The following MYH14 variants were observed in gnomAD, a reference collection of about 807,000 sequenced individuals.
The protein encoded by MYH14 is myosin-14.
MYH14 carries 123 observed loss-of-function variants against 255.5 expected under a neutral mutation model. The ratio of observed to expected loss-of-function variants is 0.48; its 90% CI spans 0.42 to 0.56. The LOEUF is 0.56. Ranked by LOEUF, MYH14 falls within the 20% of genes least tolerant of loss-of-function variation. MYH14 has a pLI of 0.00. For missense variants in MYH14, 2,423 were observed against 2,802.3 expected, an observed-to-expected ratio of 0.86 and a Z score of 3.06; for synonymous variants, 1,095 against 1,161.2, an observed-to-expected ratio of 0.94 and a Z score of 1.16.
At chr19:50,223,513 G>A (rs1600879947) in intron 5 of MYH14, 164 bp downstream of exon 5, 1 of 652,740 alleles carries the variant, frequency 1.5e-6, no homozygotes, top group East Asian at 2.7e-5. Context: ...TGGAAGCAGA[G>A]TCAGGGGGAC....
chr19:50,293,136 G>A lies in MYH14; in HGVS notation c.5257-97G>A, dbSNP rs1301267717. On this transcript the variant is annotated intron_variant, in intron 37 of 42. Coordinates refer to ENST00000642316, the MANE Select transcript of MYH14 (RefSeq NM_001145809.2). This position sits in a 1 kb window ranked among gnomAD's most constrained non-coding sequence, Gnocchi z 4.1. Reference sequence around the variant, plus strand: ...TACCCAGGGACAGCATGAGAAAAAAGCCAAGAGCCTTGAGGTGTGAGGGAC... The same window carrying A: ...TACCCAGGGACAGCATGAGAAAAAAACCAAGAGCCTTGAGGTGTGAGGGAC... The A allele has an allele frequency of 1.3e-5, 11 of 862,982 alleles. No individual in the cohort carries two copies. The Admixed American group carries it at 1.8e-4, about 14-fold the overall frequency. 53.5% of individuals were successfully genotyped at this position (862,982 alleles called of 1,614,324 possible).
intron 24 of MYH14, 120 bp downstream of exon 24, chr19:50,268,487 G>A (rs1032435207): frequency 1.8e-6 from 2 of 1,124,544 alleles, no homozygotes; most frequent in African/African-American, 3.1e-5. Context: ...TCAGTTCTAA[G>A]TGAATTTGCA....
rs2036057330 is a variant in MYH14, at chr19:50,291,020, A to C, written c.5099A>C (p.Glu1700Ala). 1.9e-6 allele frequency: 3 copies of C among 1,612,888 alleles called. No homozygotes were observed. Among genetic ancestry groups the C allele is most frequent in the Non-Finnish European group, 2.5e-6 (3 of 1,179,644 alleles). Residue 1700 changes from glutamate to alanine, a missense_variant, in exon 36 of 43, where the codon GAG (glutamate) becomes GCG (alanine). Glu to Ala is a moderately radical substitution (Grantham distance 107, BLOSUM62 -1). This residue lies in a region of MYH14 where 1,513 missense variants were observed against 1,674.8 expected (regional missense o/e 0.90). Coordinates refer to ENST00000642316, the MANE Select transcript of MYH14 (RefSeq NM_001145809.2). ...QMASAGQGKE[E>A]AVKQLRKMQA... ...GCCTCTGCCGGCCAGGGCAAGGAGG[A>C]GGCGGTGAAGCAGCTTCGCAAGATG...
At chr19:50,210,159 T>C (rs1235429502) in intron 1 of MYH14, among the ~76,000 whole-genome samples, 4 of 137,860 alleles carry the variant, frequency 2.9e-5, no homozygotes, top group Admixed American at 7.4e-5. Context: ...GTTCACAGCC[T>C]AGCTTATTAA....
chr19:50,259,517 AG>A (rs1312371919), intron 19 of MYH14, among the ~76,000 whole-genome samples: 1 of 152,232 alleles, frequency 6.6e-6, no homozygotes, highest in Non-Finnish European at 1.5e-5. Flanking sequence ...GCTGCTGTTT[AG>A]GGCAGTAGGC....
chr19:50,257,940 A>C (rs943492925), intron 18 of MYH14, among the ~76,000 whole-genome samples: 3 of 152,162 alleles, frequency 2.0e-5, no homozygotes, highest in Admixed American at 2.0e-4. Context: ...AAGAGTTTGT[A>C]CAAAGGCCCA....
In MYH14 at chr19:50,217,740, G is replaced by A; in HGVS notation, c.531G>A (p.Val177=). The A allele has an allele frequency of 6.2e-7, 1 of 1,613,898 alleles. No individual in the cohort carries two copies. Among genetic ancestry groups the A allele is most frequent in the South Asian group, 1.1e-5 (1 of 91,078 alleles). Residue 177 remains valine (V), a synonymous_variant, in exon 3 of 43, where the codon GTG becomes GTA. Transcript: ENST00000642316. ...RHEVPPHVYA[V]TEGAYRSMLQ... ...AGGTGCCACCCCACGTGTACGCAGTGACCGAGGGGGCCTATCGGAGCATGC... is the reference window on the plus strand; with the variant it reads ...AGGTGCCACCCCACGTGTACGCAGTAACCGAGGGGGCCTATCGGAGCATGC...
chr19:50,269,614 G>T (rs2035221054), intron 24 of MYH14, among the ~76,000 whole-genome samples: 1 of 152,224 alleles, frequency 6.6e-6, no homozygotes, highest in Non-Finnish European at 1.5e-5. Flanking sequence ...ACCACAGACG[G>T]CCACATGGAT....
At chr19:50,268,448 T>C in intron 24 of MYH14, 81 bp downstream of exon 24, 2 of 1,413,724 alleles carry the variant, frequency 1.4e-6, no homozygotes, top group Non-Finnish European at 1.9e-6. Flanking sequence ...ACAAACCGTG[T>C]GTCTTTGGGC....
At position 50,289,571 on chromosome 19, in the gene MYH14, C is replaced by T. The variant is rs1271303266; in HGVS notation, c.4888C>T (p.Leu1630Phe). 2 of 1,612,930 alleles carry T rather than the reference C, an allele frequency of 1.2e-6. No individual in the cohort carries two copies. Among genetic ancestry groups the T allele is most frequent in the Non-Finnish European group, 1.7e-6 (2 of 1,179,640 alleles). The change falls in exon 35 of 43, where the codon CTC becomes TTC. Residue 1630 changes from leucine to phenylalanine, a missense_variant. By Grantham distance (22) the Leu-to-Phe change is conservative. Coordinates refer to ENST00000642316, the MANE Select transcript of MYH14 (RefSeq NM_001145809.2). ...GCGTCTGGAGGTGACTGTGCAGGCT[C>T]TCAAGACTCAGCATGAGCGTGACCT... ...KLRLEVTVQA[L>F]KTQHERDLQG... is the part of the protein sequence containing the mutation.
rs757730494 is a variant in MYH14, at chr19:50,280,199, A to G, written c.4138-32A>G. ...CCCTCCCCTCCTTGTCCTCCCAGCC[A>G]CACCTGACATTGCCGTCTCCTCCAT... On this transcript the variant is annotated intron_variant, in intron 31 of 42. Transcript: ENST00000642316. The surrounding 1 kb of genome is among the most constrained non-coding windows in gnomAD (Gnocchi z 4.8). 6.4e-6 allele frequency: 10 copies of G among 1,555,716 alleles called. No homozygotes were observed. The highest frequency in any genetic ancestry group is 4.7e-5 in the South Asian group (4 of 84,254).
In MYH14 at chr19:50,218,298, T is replaced by A. The variant is rs919807441; in HGVS notation, c.562+527T>A. Among the ~76,000 whole-genome samples the A allele has an allele frequency of 5.3e-5, 8 of 152,162 alleles. No individual in the cohort carries two copies. The South Asian group carries it at 1.7e-3, about 32-fold the overall frequency. ...CCTGGCCTCTTTTTAAATTTTTAAA[T>A]AAATTAATTTATTTTTGGCCAGGCG... On this transcript the variant is annotated intron_variant, in intron 3 of 42. Coordinates refer to ENST00000642316, the MANE Select transcript of MYH14 (RefSeq NM_001145809.2).
chr19:50,277,933 AT>A, intron 29 of MYH14, 149 bp from the exon 30 acceptor site: 4 of 502,770 alleles, frequency 8.0e-6, no homozygotes, highest in Admixed American at 4.0e-5. Flanking sequence ...AAAAAAAAAA[AT>A]TGGGAGTGAG....
At chr19:50,240,685 C>T (rs936229508) in intron 10 of MYH14, among the ~76,000 whole-genome samples, 1 of 151,974 alleles carries the variant, frequency 6.6e-6, no homozygotes, top group African/African-American at 2.4e-5. Context: ...GCCTGTAATC[C>T]CAACACTTTG....
intron 40 of MYH14, among the ~76,000 whole-genome samples, chr19:50,302,185 G>C (rs34283967): frequency 1.3e-5 from 2 of 150,170 alleles, no homozygotes; most frequent in Non-Finnish European, 1.5e-5. Context: ...TCAAGAGCCT[G>C]AGATAAGAAG....
Position 50,309,774 on chromosome 19 carries a change from C to CCCCCCCCCCCCCCGG in MYH14, c.6095_6096insCCCCCCCCCCCCCGG (p.Pro2032_Ala2033insProProProProGly). 1 of 1,542,740 alleles carries CCCCCCCCCCCCCCGG rather than the reference C, an allele frequency of 6.5e-7. No homozygotes were observed. Among genetic ancestry groups the CCCCCCCCCCCCCCGG allele is most frequent in the Non-Finnish European group, 8.8e-7 (1 of 1,131,178 alleles). On this transcript the variant is annotated inframe_insertion, in exon 43 of 43. Transcript: ENST00000642316. ...TCCCCGGAGCCTGAGGGGTCCCCAC[C>CCCCCCCCCCCCCCGG]AGCCCACCCCCAGTGACCCTACCCT... is the stretch of plus-strand genomic sequence containing the variant.
At chr19:50,273,117 C>T (rs1434674340) in intron 27 of MYH14, among the ~76,000 whole-genome samples, 3 of 151,874 alleles carry the variant, frequency 2.0e-5, no homozygotes, top group Admixed American at 6.6e-5. Context: ...ATGGCAAAAC[C>T]CTGTCTCTAC....
intron 10 of MYH14, among the ~76,000 whole-genome samples, chr19:50,236,211 T>A (rs1398790844): frequency 6.6e-6 from 1 of 151,986 alleles, no homozygotes; most frequent in Non-Finnish European, 1.5e-5. Flanking sequence ...TGTGCGCCTT[T>A]ACTCCCAGCT....
At chr19:50,259,010 G>A (rs1600960936) in intron 18 of MYH14, 134 bp from the exon 19 acceptor site, 1 of 1,209,426 alleles carries the variant, frequency 8.3e-7, no homozygotes. Flanking sequence ...GTCTTCCCAG[G>A]GCCTAGAACC....
Sources: allele counts gnomAD v4.1 joint callset (sites outside exome capture counted in the v4.1 genomes callset), GRCh38; gene constraint gnomAD v4.1.1; regional missense constraint gnomAD v4.1.1; non-coding constraint Gnocchi (gnomAD v3.1); transcripts MANE v1.5; gene names NCBI Gene and HGNC (gene_info 2026-07-23, HGNC 2026-07-21).